Variants in PCGF3 observed in about 807,000 individuals in gnomAD.
The protein encoded by PCGF3 is polycomb group ring finger 3.
In PCGF3, 7 loss-of-function variants were observed where a neutral mutation model predicts 33.1. That is an observed-to-expected ratio of 0.21 (90% CI 0.12 to 0.40). The LOEUF (loss-of-function observed/expected upper bound fraction) is 0.40, where lower values mean the gene tolerates loss of function less well. Ranked by LOEUF, PCGF3 falls within the 10% of genes least tolerant of loss-of-function variation. PCGF3 has a pLI of 1.00. For synonymous variants in PCGF3, 153 were observed against 121.3 expected (o/e 1.26, Z -1.72); for missense variants, 211 against 313.3 (o/e 0.67, Z 2.46).
chr4:748,433 G>T (rs372818835), intron 8 of PCGF3, among the ~76,000 whole-genome samples: 1 of 152,132 alleles, frequency 6.6e-6, no homozygotes, highest in Non-Finnish European at 1.5e-5. Context: ...CTTCTGGCCC[G>T]CCTCAGCCTC....
At position 723,070 on chromosome 4, in the gene PCGF3, A is replaced by G. The variant is rs1416727585; in HGVS notation, c.-189-7560A>G. Among the ~76,000 whole-genome samples, 3 of 105,644 alleles carry G rather than the reference A, an allele frequency of 2.8e-5. No homozygotes were observed. The East Asian group carries it at 8.2e-4, about 29-fold the overall frequency. The allele number at this position is 105,644 out of a possible 152,430, so 69.3% of individuals were successfully genotyped here. On this transcript the variant is annotated intron_variant, in intron 1 of 10. Transcript: ENST00000362003. ...TCATCGCCATCCACGCCGGGTCCAC[A>G]CTCGCGTCATCGCCCACCCGCGCCG...
chr4:728,543 G>A (rs2109582997), intron 1 of PCGF3, among the ~76,000 whole-genome samples: 1 of 152,374 alleles, frequency 6.6e-6, no homozygotes, highest in East Asian at 1.9e-4. Context: ...CGGGACTTGA[G>A]CACCTGTGGA....
chr4:716,374 G>A (rs1439973780), intron 1 of PCGF3, among the ~76,000 whole-genome samples: 3 of 116,032 alleles, frequency 2.6e-5, no homozygotes, highest in African/African-American at 9.1e-5. Context: ...TGTGGACACT[G>A]TGAGTGTGAG....
Position 730,809 on chromosome 4 carries a change from G to A in PCGF3, c.-151+141G>A, listed in dbSNP as rs965949431. ...GGCTCTGAGGACAGGCTGGAGCCAT[G>A]CGTGGGTCCTTAGCTTTTCTCCCGG... On this transcript the variant is annotated intron_variant, in intron 2 of 10. Transcript: ENST00000362003. The A allele has an allele frequency of 1.5e-4, 59 of 388,134 alleles. No homozygotes were observed. In the East Asian group the frequency reaches 2.1e-3, roughly 14 times the overall value. The allele number at this position is 388,134 out of a possible 1,614,324, so 24.0% of individuals were successfully genotyped here.
intron 3 of PCGF3, chr4:732,347 T>TTCCCTTCCCCTCCCC (rs958649605): frequency 1.3e-4 from 16 of 126,784 alleles, no homozygotes; most frequent in African/African-American, 4.0e-4. Context: ...CTCCCCTCCC[T>TTCCCTTCCCCTCCCC]TCCCTTCCCC....
chr4:711,111 A>G (rs1742542755), intron 1 of PCGF3, among the ~76,000 whole-genome samples: 1 of 152,224 alleles, frequency 6.6e-6, no homozygotes, highest in African/African-American at 2.4e-5. Context: ...TCCACTGCAC[A>G]GGGAGCCGGA....
intron 1 of PCGF3, among the ~76,000 whole-genome samples, chr4:707,582 CCCCTGGGGGTCGGG>C (rs1560192537): frequency 4.4e-4 from 48 of 108,724 alleles, no homozygotes; most frequent in East Asian, 1.6e-3. Flanking sequence ...GCTCTGTTTT[CCCCTGGGGGTCGGG>C]ACTCTGGGAC....
chr4:752,381 T>A (rs770567947), intron 8 of PCGF3, among the ~76,000 whole-genome samples: 4 of 152,250 alleles, frequency 2.6e-5, no homozygotes, highest in Non-Finnish European at 5.9e-5. Context: ...TTTTTAAGTA[T>A]AAGCCATCGG....
chr4:708,268 C>G (rs1294023571), intron 1 of PCGF3, among the ~76,000 whole-genome samples: 1 of 152,128 alleles, frequency 6.6e-6, no homozygotes, highest in African/African-American at 2.4e-5. Flanking sequence ...CAAAGAGGAC[C>G]TGATGAGAGC....
chr4:728,068 A>C (rs1180573739), intron 1 of PCGF3, among the ~76,000 whole-genome samples: 1 of 152,208 alleles, frequency 6.6e-6, no homozygotes, highest in Non-Finnish European at 1.5e-5. Context: ...CTAGGAACTT[A>C]GCAGTTTCAC....
At chr4:723,026 C>T (rs1254933526) in intron 1 of PCGF3, among the ~76,000 whole-genome samples, 61 of 141,684 alleles carry the variant, frequency 4.3e-4, no homozygotes, top group African/African-American at 9.3e-4. Flanking sequence ...TCGCCATCCA[C>T]GCCGGGTCCA....
chr4:719,664 T>C (rs1317503533), intron 1 of PCGF3, among the ~76,000 whole-genome samples: 1 of 152,206 alleles, frequency 6.6e-6, no homozygotes, highest in Non-Finnish European at 1.5e-5. Flanking sequence ...TGCTGAGGGC[T>C]ACAGTGGAGC....
chr4:765,585 G>GGGCCA (rs1239024468), intron 10 of PCGF3, among the ~76,000 whole-genome samples: 1 of 152,228 alleles, frequency 6.6e-6, no homozygotes, highest in East Asian at 1.9e-4. Flanking sequence ...GAGGCCATGA[G>GGGCCA]TGCCATGAGC....
intron 1 of PCGF3, among the ~76,000 whole-genome samples, chr4:707,511 A>C (rs774831360): frequency 0.083 from 6,201 of 74,674 alleles, 254 homozygotes; most frequent in Middle Eastern, 0.18. Flanking sequence ...GCCTGTTTTC[A>C]CCCGGGGGCC....
At position 730,626 on chromosome 4, in the gene PCGF3, G is replaced by A. The variant is rs951900025; in HGVS notation, c.-189-4G>A. The A allele has an allele frequency of 1.8e-5, 3 of 169,714 alleles. No individual in the cohort carries two copies. The highest frequency in any genetic ancestry group is 1.6e-4 in the East Asian group (1 of 6,344). The allele number at this position is 169,714 out of a possible 1,614,324, so 10.5% of individuals were successfully genotyped here. On this transcript the variant is annotated splice_region_variant and splice_polypyrimidine_tract_variant and intron_variant, in intron 1 of 10. Transcript: ENST00000362003. ...GGTAACCCTGTTGTGCTTTTTCTCC[G>A]CAGGCGTCACAATGTAGCAGGGACC...
intron 9 of PCGF3, chr4:764,758 T>C (rs945751773): frequency 3.5e-5 from 18 of 520,636 alleles, no homozygotes; most frequent in Admixed American, 2.3e-4. Flanking sequence ...TAATATCTTA[T>C]ATGTTGCACT....
rs199784026 is a variant in PCGF3 at position 724,409 on chromosome 4, G to A, written c.-189-6221G>A. On this transcript the variant is annotated intron_variant, in intron 1 of 10. Coordinates refer to ENST00000362003, the Ensembl canonical transcript of PCGF3. ...TCCACGGAGCACCCTGGTGGACAGC[G>A]GTGCTGTGGGGGCCATGGACCAGAA... is the stretch of plus-strand genomic sequence containing the variant. Among the ~76,000 whole-genome samples, 8 of 152,378 alleles carry A rather than the reference G, an allele frequency of 5.3e-5. No homozygotes were observed. In the East Asian group the frequency reaches 1.4e-3, roughly 26 times the overall value.
chr4:765,978 CCTT>C (rs1745350122), intron 10 of PCGF3, 51 bp from the exon 11 acceptor site: 2 of 1,547,182 alleles, frequency 1.3e-6, no homozygotes, highest in Non-Finnish European at 1.8e-6. Context: ...TGAAGTAGGT[CCTT>C]CTCGCCTCCA....
chr4:768,043 GTAA>G (rs1560224806), exon 11 of PCGF3: 1 of 152,654 alleles, frequency 6.6e-6, no homozygotes, highest in Non-Finnish European at 1.5e-5. Context: ...GAATATCATT[GTAA>G]TAATCTCATA....
Sources: allele counts gnomAD v4.1 joint callset (sites outside exome capture counted in the v4.1 genomes callset), GRCh38; gene constraint gnomAD v4.1.1; transcripts MANE v1.5; gene names NCBI Gene and HGNC (gene_info 2026-07-23, HGNC 2026-07-21).